Variants in ARHGEF28 observed in about 807,000 individuals in gnomAD.
ARHGEF28 encodes Rho guanine nucleotide exchange factor 28.
A neutral mutation model predicts 206.6 loss-of-function variants in ARHGEF28; 152 were observed. The observed-to-expected ratio is 0.74, with a 90% CI of 0.64 to 0.84. The LOEUF (loss-of-function observed/expected upper bound fraction) is 0.84. Among genes scored for constraint, ARHGEF28 ranks in the 40% least tolerant of loss-of-function variants. The pLI is 0.00. For missense variants in ARHGEF28, 2,028 were observed against 2,073.2 expected (o/e 0.98, Z 0.42); for synonymous variants, 763 against 776.4 (o/e 0.98, Z 0.29).
intron 2 of ARHGEF28, among the ~76,000 whole-genome samples, chr5:73,727,046 T>G (rs1344890065): frequency 1.3e-5 from 2 of 152,218 alleles, no homozygotes; most frequent in Non-Finnish European, 2.9e-5. Flanking sequence ...TAAAATTCTT[T>G]GCTTAATATT....
intron 4 of ARHGEF28, among the ~76,000 whole-genome samples, chr5:73,763,144 T>C (rs938466213): frequency 2.6e-5 from 4 of 152,200 alleles, no homozygotes; most frequent in Non-Finnish European, 5.9e-5. Context: ...GTATTCCTGG[T>C]TGACTTTTTT....
At chr5:73,911,622 G>A (rs777010864) in intron 35 of ARHGEF28, 47 bp downstream of exon 35, 39 of 1,514,230 alleles carry the variant, frequency 2.6e-5, no homozygotes, top group Non-Finnish European at 9.8e-6. Context: ...ACAAGAAGTT[G>A]TCCCTCTGAA....
At chr5:73,836,773 T>C (rs1341165021) in intron 10 of ARHGEF28, among the ~76,000 whole-genome samples, 1 of 152,160 alleles carries the variant, frequency 6.6e-6, no homozygotes, top group Non-Finnish European at 1.5e-5. Flanking sequence ...TGCTTCCTCC[T>C]AGGAGTTTTA....
rs376786246 is a variant in ARHGEF28 at position 73,857,588 on chromosome 5, T to C, written c.1791-68T>C. ...GTACACACACACACACACACACACA[T>C]ACACACACACGTATATGCTATTCTT... On this transcript the variant is annotated intron_variant, in intron 14 of 35. Coordinates refer to ENST00000513042, the MANE Select transcript of ARHGEF28 (RefSeq NM_001177693.2). The C allele has an allele frequency of 0.046, 59,957 of 1,292,688 alleles. 912 individuals carry two copies. The highest frequency in any genetic ancestry group is 0.053 in the Non-Finnish European group (49,810 of 936,816). 80.1% of individuals were successfully genotyped at this position (1,292,688 alleles called of 1,614,324 possible).
chr5:73,763,668 G>C (rs985420225), intron 4 of ARHGEF28, among the ~76,000 whole-genome samples: 1 of 152,208 alleles, frequency 6.6e-6, no homozygotes. Flanking sequence ...CCTGCACACA[G>C]TTGGCTATCA....
Position 73,901,179 on chromosome 5 carries a change from T to G in ARHGEF28, c.3974-5T>G. On this transcript the variant is annotated splice_region_variant and splice_polypyrimidine_tract_variant and intron_variant, in intron 30 of 35. Coordinates refer to ENST00000513042, the MANE Select transcript of ARHGEF28 (RefSeq NM_001177693.2). ...TTTGTTTCTGTCTCGATGGCGTGCT[T>G]CCAGCATTAGTCACAGGAGGGAGAG... 2 of 1,612,246 alleles carry G rather than the reference T, an allele frequency of 1.2e-6. No homozygotes were observed. Among genetic ancestry groups the G allele is most frequent in the Non-Finnish European group, 1.7e-6 (2 of 1,179,186 alleles).
At chr5:73,647,840 C>A (rs1744534396) in intron 1 of ARHGEF28, among the ~76,000 whole-genome samples, 1 of 152,236 alleles carries the variant, frequency 6.6e-6, no homozygotes, top group African/African-American at 2.4e-5. Context: ...TTTGATCCTA[C>A]TACTTGATGT....
At chr5:73,748,662 G>GT (rs980818713) in intron 2 of ARHGEF28, among the ~76,000 whole-genome samples, 1 of 152,070 alleles carries the variant, frequency 6.6e-6, no homozygotes, top group African/African-American at 2.4e-5. Context: ...GAGCAGGTTT[G>GT]TTTTTGTTGG....
chr5:73,852,281 T>A (rs1341963546), intron 13 of ARHGEF28, among the ~76,000 whole-genome samples: 2 of 152,226 alleles, frequency 1.3e-5, no homozygotes, highest in East Asian at 3.8e-4. Context: ...ATTTATTGGT[T>A]CTGTATGTTA....
chr5:73,676,072 T>TC (rs1185900147), intron 1 of ARHGEF28, among the ~76,000 whole-genome samples: 55 of 138,830 alleles, frequency 4.0e-4, no homozygotes, highest in Non-Finnish European at 7.6e-4. Flanking sequence ...TTCTTTTCTT[T>TC]TTTTTTTTTT....
chr5:73,882,371 T>A (rs192729548), intron 22 of ARHGEF28, 101 bp from the exon 23 acceptor site: 1 of 849,974 alleles, frequency 1.2e-6, no homozygotes, highest in East Asian at 3.2e-5. Flanking sequence ...ATTTATTTTT[T>A]ATTTGCAAAT....
chr5:73,744,730 A>G (rs1425497499), intron 2 of ARHGEF28, among the ~76,000 whole-genome samples: 3 of 152,070 alleles, frequency 2.0e-5, no homozygotes, highest in Non-Finnish European at 2.9e-5. Flanking sequence ...CATCCCATAT[A>G]AAGGCTGTGT....
intron 35 of ARHGEF28, among the ~76,000 whole-genome samples, chr5:73,929,867 A>G (rs551511475): frequency 1.1e-4 from 16 of 152,298 alleles, no homozygotes; most frequent in African/African-American, 3.1e-4. Flanking sequence ...ACAAAATATC[A>G]TAATTTTTTG....
intron 35 of ARHGEF28, among the ~76,000 whole-genome samples, chr5:73,938,922 TTAATA>T (rs925328009): frequency 2.6e-5 from 4 of 151,190 alleles, no homozygotes; most frequent in Non-Finnish European, 2.9e-5. Flanking sequence ...AAGCTTAACA[TTAATA>T]TGTCTTTTTT....
chr5:73,796,589 C>T (rs1754833919), intron 9 of ARHGEF28, among the ~76,000 whole-genome samples: 1 of 151,858 alleles, frequency 6.6e-6, no homozygotes, highest in South Asian at 2.1e-4. Context: ...GGAGGAAGCA[C>T]CCTTGGTGTT....
intron 14 of ARHGEF28, among the ~76,000 whole-genome samples, chr5:73,856,099 AT>A (rs11288253): frequency 0.24 from 36,437 of 152,034 alleles, 4,998 homozygotes; most frequent in Admixed American, 0.35. Flanking sequence ...TCTCAAATGT[AT>A]TTTTTCCCCC....
rs977147153 is a variant in ARHGEF28 at position 73,763,122 on chromosome 5, C to T, written c.475+9920C>T. 2.0e-5 allele frequency among the ~76,000 whole-genome samples: 3 copies of T among 152,238 alleles called. No individual in the cohort carries two copies. The South Asian group carries it at 6.2e-4, about 32-fold the overall frequency. On this transcript the variant is annotated intron_variant, in intron 4 of 35. Coordinates refer to ENST00000513042, the MANE Select transcript of ARHGEF28 (RefSeq NM_001177693.2). ...TTTCTTTTTTTCATTCATGGATAAT[C>T]GTTGTCCATCTGTATTCCTGGTTGA...
chr5:73,894,340 A>T, intron 28 of ARHGEF28, 53 bp from the exon 29 acceptor site: 1 of 1,487,600 alleles, frequency 6.7e-7, no homozygotes, highest in Non-Finnish European at 9.1e-7. Flanking sequence ...CTTTCACATT[A>T]GTGGTTGTAT....
intron 2 of ARHGEF28, among the ~76,000 whole-genome samples, chr5:73,710,775 T>A (rs1749190104): frequency 6.6e-6 from 1 of 152,224 alleles, no homozygotes; most frequent in African/African-American, 2.4e-5. Flanking sequence ...TGATCTTGGC[T>A]CACTGAAGCC....
Sources: allele counts gnomAD v4.1 joint callset (sites outside exome capture counted in the v4.1 genomes callset), GRCh38; gene constraint gnomAD v4.1.1; transcripts MANE v1.5; gene names NCBI Gene and HGNC (gene_info 2026-07-23, HGNC 2026-07-21).